MGAT5: variants seen among roughly 807,000 people sequenced by gnomAD.
The protein encoded by MGAT5 is alpha-1,6-mannosylglycoprotein 6-beta-N-acetylglucosaminyltransferase, also known as alpha-1,6-mannosylglycoprotein 6-beta-N-acetylglucosaminyltransferase A.
Under a neutral mutation model 94.3 loss-of-function variants are expected in MGAT5, and 30 were observed. The observed-to-expected ratio is 0.32, with a 90% confidence interval of 0.24 to 0.43. The LOEUF (loss-of-function observed/expected upper bound fraction) is 0.43, where lower values mean the gene tolerates loss of function less well. Among genes scored for constraint, MGAT5 ranks in the 20% least tolerant of loss-of-function variants. The pLI is 1.00. For synonymous variants in MGAT5, 310 were observed against 322.9 expected (o/e 0.96, Z 0.43); for missense variants, 691 against 905.5 (o/e 0.76, Z 3.04).
intron 1 of MGAT5, among the ~76,000 whole-genome samples, chr2:134,177,144 C>CGTGTGTGTGTGT (rs141358502): frequency 2.6e-4 from 37 of 142,624 alleles, no homozygotes; most frequent in South Asian, 1.1e-3. Flanking sequence ...CAAATGAACC[C>CGTGTGTGTGTGT]GTGTGTGTGT....
chr2:134,358,082 A>G (rs889632285), intron 9 of MGAT5, among the ~76,000 whole-genome samples: 1 of 152,150 alleles, frequency 6.6e-6, no homozygotes, highest in Admixed American at 6.5e-5. Flanking sequence ...CAGCCATACA[A>G]AAAAATAGAA....
intron 1 of MGAT5, among the ~76,000 whole-genome samples, chr2:134,213,255 G>T (rs1334060078): frequency 6.6e-6 from 1 of 152,156 alleles, no homozygotes; most frequent in Non-Finnish European, 1.5e-5. Flanking sequence ...GTGAAGTTGT[G>T]TTCAATCAGA....
chr2:134,410,929 A>G (rs113747037), intron 11 of MGAT5, among the ~76,000 whole-genome samples: 1,664 of 152,272 alleles, frequency 0.011, 32 homozygotes, highest in African/African-American at 0.037. Flanking sequence ...CTTATGCCCA[A>G]CCACGGCCTG....
chr2:134,227,636 T>A (rs1681131965), intron 1 of MGAT5, among the ~76,000 whole-genome samples: 1 of 152,208 alleles, frequency 6.6e-6, no homozygotes, highest in Admixed American at 6.5e-5. Flanking sequence ...TTGAATTGCA[T>A]TGCCCATTCC....
rs760654476 is a variant in MGAT5 at position 134,318,608 on chromosome 2, G to C, written c.484-42G>C. The C allele has an allele frequency of 4.2e-6, 6 of 1,413,594 alleles. No individual in the cohort carries two copies. The South Asian group carries it at 6.9e-5, about 16-fold the overall frequency. 87.6% of individuals were successfully genotyped at this position (1,413,594 alleles called of 1,614,324 possible). ...GCCTTCCCTGTCAGCAGATGTGGAG[G>C]GCCTGTGAATGGGCTGCTCAGAGAT... On this transcript the variant is annotated intron_variant, in intron 3 of 15. Transcript: ENST00000281923.
intron 10 of MGAT5, among the ~76,000 whole-genome samples, chr2:134,392,650 T>C (rs1682481228): frequency 6.6e-6 from 1 of 152,246 alleles, no homozygotes; most frequent in African/African-American, 2.4e-5. Context: ...ACACTCGGTA[T>C]TCTGAGGGGA....
chr2:134,335,430 C>G lies in MGAT5; in HGVS notation c.574-787C>G, dbSNP rs1472435622. Among the ~76,000 whole-genome samples the G allele has an allele frequency of 2.0e-5, 3 of 152,102 alleles. No homozygotes were observed. In the East Asian group the frequency reaches 5.8e-4, roughly 29 times the overall value. The stretch of plus-strand genomic sequence containing the variant: ...ACACCAATATAACTTTAATGCATTT[C>G]TCATTTTTTTGCTAGAAATTAAGTT... On this transcript the variant is annotated intron_variant, in intron 4 of 15. Transcript: ENST00000281923.
chr2:134,383,575 C>T (rs1681762115), intron 10 of MGAT5, among the ~76,000 whole-genome samples: 1 of 152,166 alleles, frequency 6.6e-6, no homozygotes, highest in Non-Finnish European at 1.5e-5. Flanking sequence ...CTGCTGTTGT[C>T]CACTTCTGCA....
chr2:134,243,456 TG>T (rs1402493049), intron 1 of MGAT5, among the ~76,000 whole-genome samples: 1 of 152,132 alleles, frequency 6.6e-6, no homozygotes, highest in Non-Finnish European at 1.5e-5. Flanking sequence ...TTGCAGTGTT[TG>T]GGAGAGTTGA....
intron 10 of MGAT5, among the ~76,000 whole-genome samples, chr2:134,364,732 A>G (rs972553601): frequency 6.6e-6 from 1 of 152,250 alleles, no homozygotes; most frequent in African/African-American, 2.4e-5. Flanking sequence ...CAATTTTATT[A>G]CATCCAGCAT....
At chr2:134,381,536 C>CAGACAGATAGATAGATAGAT (rs59821586) in intron 10 of MGAT5, among the ~76,000 whole-genome samples, 8,027 of 146,918 alleles carry the variant, frequency 0.055, 314 homozygotes, top group East Asian at 0.1. Context: ...GACAGACAGA[C>CAGACAGATAGATAGATAGAT]AGATAGATAG....
At chr2:134,373,160 G>C (rs1039516060) in intron 10 of MGAT5, among the ~76,000 whole-genome samples, 6 of 152,224 alleles carry the variant, frequency 3.9e-5, no homozygotes, top group Non-Finnish European at 5.9e-5. Flanking sequence ...CTATCTGAGA[G>C]CAAAGAGAGA....
intron 2 of MGAT5, among the ~76,000 whole-genome samples, chr2:134,314,247 A>G (rs188362132): frequency 6.6e-6 from 1 of 152,332 alleles, no homozygotes; most frequent in Non-Finnish European, 1.5e-5. Context: ...GAAGCCCCTT[A>G]TCTATTCATA....
intron 3 of MGAT5, 118 bp from the exon 4 acceptor site, chr2:134,318,532 T>C (rs1472626065): frequency 6.7e-6 from 5 of 744,018 alleles, no homozygotes. Context: ...GTCACTCAGT[T>C]CTTTAGGCCA....
At chr2:134,442,936 G>C (rs112100805) in intron 15 of MGAT5, among the ~76,000 whole-genome samples, 4 of 152,240 alleles carry the variant, frequency 2.6e-5, no homozygotes, top group African/African-American at 9.6e-5. Context: ...CAGGCTTGAA[G>C]AGGATGTTTA....
intron 1 of MGAT5, among the ~76,000 whole-genome samples, chr2:134,163,839 G>A (rs1687848488): frequency 6.6e-6 from 1 of 152,208 alleles, no homozygotes; most frequent in African/African-American, 2.4e-5. Flanking sequence ...GTCATCTAAA[G>A]GACTTGGCAA....
intron 2 of MGAT5, among the ~76,000 whole-genome samples, chr2:134,303,559 G>T (rs1231774221): frequency 2.0e-5 from 3 of 151,890 alleles, no homozygotes; most frequent in Non-Finnish European, 2.9e-5. Flanking sequence ...CTGATGTGAG[G>T]CCCTTCTGGG....
intron 1 of MGAT5, among the ~76,000 whole-genome samples, chr2:134,171,569 C>T (rs1035329103): frequency 3.9e-5 from 6 of 152,214 alleles, no homozygotes; most frequent in South Asian, 2.1e-4. Context: ...GTGATAGGGC[C>T]GCCCACCTAG....
At chr2:134,180,615 C>G (rs1688688596) in intron 1 of MGAT5, among the ~76,000 whole-genome samples, 1 of 152,196 alleles carries the variant, frequency 6.6e-6, no homozygotes, top group African/African-American at 2.4e-5. Context: ...ACTCTTGTTA[C>G]CATACCAAGG....
Sources: allele counts gnomAD v4.1 joint callset (sites outside exome capture counted in the v4.1 genomes callset), GRCh38; gene constraint gnomAD v4.1.1; transcripts MANE v1.5; gene names NCBI Gene and HGNC (gene_info 2026-07-23, HGNC 2026-07-21).